AFF3: variants seen among roughly 807,000 people sequenced by gnomAD.
The protein encoded by AFF3 is AF4/FMR2 family member 3.
AFF3 carries 32 observed loss-of-function variants against 129.7 expected under a neutral mutation model. The ratio of observed to expected loss-of-function variants is 0.25; its 90% CI spans 0.19 to 0.33. The LOEUF (loss-of-function observed/expected upper bound fraction) is 0.33, where lower values mean the gene tolerates loss of function less well. Among genes scored for constraint, AFF3 ranks in the 10% least tolerant of loss-of-function variants. AFF3 has a pLI of 1.00. For synonymous variants in AFF3, 644 were observed against 635.4 expected (o/e 1.01, Z -0.20); for missense variants, 1,373 against 1,592.0 (o/e 0.86, Z 2.34).
At chr2:99,902,072 C>T (rs1318308066) in intron 7 of AFF3, among the ~76,000 whole-genome samples, 1 of 151,554 alleles carries the variant, frequency 6.6e-6, no homozygotes, top group African/African-American at 2.4e-5. Flanking sequence ...CTCCTGGGTG[C>T]TCCCACAGAA....
Position 99,724,965 on chromosome 2 carries a change from C to T in AFF3, c.1091+2112G>A, listed in dbSNP as rs542076006. Among the ~76,000 whole-genome samples the T allele has an allele frequency of 4.6e-5, 7 of 151,994 alleles. No homozygotes were observed. The East Asian group carries it at 1.2e-3, about 25-fold the overall frequency. On this transcript the variant is annotated intron_variant, in intron 11 of 24. Coordinates refer to ENST00000672756, the MANE Select transcript of AFF3 (RefSeq NM_001386135.1). ...AAAAGTAATTCCTCAGACAACTTAC[C>T]TATTTTTTTTCTTTTTTTTTTCTGA... is the stretch of plus-strand genomic sequence containing the variant.
intron 12 of AFF3, among the ~76,000 whole-genome samples, chr2:99,662,246 A>T (rs1452354819): frequency 6.6e-6 from 1 of 152,204 alleles, no homozygotes; most frequent in Non-Finnish European, 1.5e-5. Context: ...GGGAGGTTCA[A>T]ATATATGATT....
intron 11 of AFF3, among the ~76,000 whole-genome samples, chr2:99,698,740 C>G (rs1676547563): frequency 6.6e-6 from 1 of 152,144 alleles, no homozygotes; most frequent in Non-Finnish European, 1.5e-5. Context: ...TAGGCATAAG[C>G]TTAGTTTTAT....
chr2:99,955,762 G>A (rs527400617), intron 7 of AFF3, among the ~76,000 whole-genome samples: 7 of 152,232 alleles, frequency 4.6e-5, no homozygotes, highest in African/African-American at 7.2e-5. Context: ...TTAAGGAAGC[G>A]GGACACTGTT....
chr2:99,895,027 T>C (rs967812507), intron 7 of AFF3, among the ~76,000 whole-genome samples: 6 of 152,300 alleles, frequency 3.9e-5, no homozygotes, highest in Non-Finnish European at 8.8e-5. Context: ...CCAGCACACA[T>C]AGGTTGGCTC....
intron 8 of AFF3, among the ~76,000 whole-genome samples, chr2:99,756,271 T>G (rs1277677254): frequency 6.6e-6 from 1 of 152,234 alleles, no homozygotes; most frequent in East Asian, 1.9e-4. Flanking sequence ...GCCATGTGGC[T>G]TGGGCAATCC....
chr2:100,126,631 G>A lies in AFF3; in HGVS notation c.-145+2593C>T, dbSNP rs372522998. Among the ~76,000 whole-genome samples, 157 of 152,202 alleles carry A rather than the reference G, an allele frequency of 1.0e-3. 6 individuals carry two copies. In the South Asian group the frequency reaches 0.029, roughly 29 times the overall value. On this transcript the variant is annotated intron_variant, in intron 2 of 24. Coordinates refer to ENST00000672756, the MANE Select transcript of AFF3 (RefSeq NM_001386135.1). ...GTTGGTTGCACACCAGGGGAATCTG[G>A]CTCACTAATCTTTAATACTTGTCAT...
chr2:99,773,685 C>G (rs1683671665), intron 8 of AFF3, among the ~76,000 whole-genome samples: 1 of 152,086 alleles, frequency 6.6e-6, no homozygotes, highest in Non-Finnish European at 1.5e-5. Context: ...CAAAACTGAT[C>G]AAAAGTCAGT....
intron 11 of AFF3, among the ~76,000 whole-genome samples, chr2:99,678,201 G>A (rs1024836274): frequency 6.6e-6 from 1 of 152,182 alleles, no homozygotes; most frequent in Non-Finnish European, 1.5e-5. Context: ...GGTAAACTCA[G>A]TACTTTTCAG....
chr2:99,614,406 A>G (rs1558647719), intron 13 of AFF3, among the ~76,000 whole-genome samples: 2 of 152,238 alleles, frequency 1.3e-5, no homozygotes, highest in Non-Finnish European at 2.9e-5. Context: ...TGACCAGCCC[A>G]TTAGGCATTT....
At chr2:99,552,959 G>A (rs1035509119) in intron 24 of AFF3, among the ~76,000 whole-genome samples, 1 of 152,078 alleles carries the variant, frequency 6.6e-6, no homozygotes, top group Non-Finnish European at 1.5e-5. Context: ...TTGAGATGGA[G>A]TCTCGCTCTG....
intron 16 of AFF3, among the ~76,000 whole-genome samples, chr2:99,584,615 G>T (rs1015078852): frequency 6.6e-6 from 1 of 152,068 alleles, no homozygotes; most frequent in African/African-American, 2.4e-5. Flanking sequence ...CAGTGAAGAG[G>T]GATTCACTTA....
chr2:99,593,693 G>C lies in AFF3; in HGVS notation c.1968C>G (p.Ser656Arg), dbSNP rs753147312. 3 of 1,607,502 alleles carry C rather than the reference G, an allele frequency of 1.9e-6. No homozygotes were observed. The South Asian group carries it at 3.3e-5, about 18-fold the overall frequency. ...TCEKRRTRGL[S>R]RIVPKSKEFI... is the part of the protein sequence containing the mutation. ...ACTCCTTGGATTTGGGGACGATCCT[G>C]CTTAGCCCCCGCGTGCGGCGCTTCT... Residue 656 changes from serine to arginine, a missense_variant, in exon 15 of 25, where the codon AGC (serine) becomes AGG (arginine). Transcript: ENST00000672756.
At chr2:99,846,999 C>T (rs1030657461) in intron 7 of AFF3, among the ~76,000 whole-genome samples, 3 of 152,130 alleles carry the variant, frequency 2.0e-5, no homozygotes, top group South Asian at 4.1e-4. Flanking sequence ...CAGCTAAAAT[C>T]AGCCAGAGCA....
intron 11 of AFF3, among the ~76,000 whole-genome samples, chr2:99,725,337 A>G (rs865938365): frequency 6.6e-6 from 1 of 152,164 alleles, no homozygotes; most frequent in East Asian, 1.9e-4. Context: ...CAGTGCTTTT[A>G]GGCAATAAAC....
In AFF3 at chr2:99,593,219, C is replaced by G. The variant is rs1238987100; in HGVS notation, c.2442G>C (p.Leu814Phe). 2 of 1,591,968 alleles carry G rather than the reference C, an allele frequency of 1.3e-6. No homozygotes were observed. Among genetic ancestry groups the G allele is most frequent in the South Asian group, 1.1e-5 (1 of 88,800 alleles). ...CCTTGCGTTTCCTCTTGGATTTTGG[C>G]AAAGCCTTTTCTGCAGGTGTGTCCG... ...HTSDTPAEKA[L>F]PKSKRKRKCD... The change falls in exon 15 of 25, where the codon TTG becomes TTC. Residue 814 changes from leucine (L) to phenylalanine (F), a missense_variant. Physicochemically the swap from Leu to Phe is conservative, Grantham distance 22. This residue lies in a region of AFF3 where 466 missense variants were observed against 505.0 expected (regional missense o/e 0.92). Coordinates refer to ENST00000672756, the MANE Select transcript of AFF3 (RefSeq NM_001386135.1).
At chr2:99,590,551 T>G (rs1575443597) in intron 15 of AFF3, among the ~76,000 whole-genome samples, 1 of 152,266 alleles carries the variant, frequency 6.6e-6, no homozygotes, top group East Asian at 1.9e-4. Flanking sequence ...AAGACAGGAT[T>G]TGAAGTCAGG....
chr2:99,557,167 G>A (rs942629895), intron 22 of AFF3, among the ~76,000 whole-genome samples: 1 of 151,690 alleles, frequency 6.6e-6, no homozygotes, highest in Non-Finnish European at 1.5e-5. Flanking sequence ...TTATACATAA[G>A]TACACGCAAT....
chr2:99,587,351 C>T, intron 15 of AFF3, 73 bp from the exon 16 acceptor site: 1 of 1,578,716 alleles, frequency 6.3e-7, no homozygotes, highest in Admixed American at 1.7e-5. Context: ...GCACCGACTT[C>T]CACAGAGCAA....
Sources: allele counts gnomAD v4.1 joint callset (sites outside exome capture counted in the v4.1 genomes callset), GRCh38; gene constraint gnomAD v4.1.1; regional missense constraint gnomAD v4.1.1; transcripts MANE v1.5; gene names NCBI Gene and HGNC (gene_info 2026-07-23, HGNC 2026-07-21).